Variants in SHANK2 observed in about 807,000 individuals in gnomAD.
SHANK2 encodes SH3 and multiple ankyrin repeat domains protein 2.
Under a neutral mutation model 133.7 loss-of-function variants are expected in SHANK2, and 43 were observed. The observed-to-expected ratio is 0.32, with a 90% CI of 0.25 to 0.41. SHANK2 has a LOEUF of 0.41. SHANK2 is among the 10% of genes least tolerant of loss of function. The pLI is 1.00. For missense variants in SHANK2, 1,994 were observed against 2,235.8 expected, an observed-to-expected ratio of 0.89 and a Z score of 2.18; for synonymous variants, 1,017 against 952.8, an observed-to-expected ratio of 1.07 and a Z score of -1.24.
rs1335245107 is a variant in SHANK2, at chr11:70,659,732, G to A, written c.2061+96C>T. On this transcript the variant is annotated intron_variant, in intron 17 of 25. Coordinates refer to ENST00000601538, the MANE Select transcript of SHANK2 (RefSeq NM_012309.5). Reference sequence around the variant, plus strand: ...ATGGCAGCCTCCACAAGCACCCCCAGACTGGGCCTCGTGGCTGTGCTGCCA... The same window carrying A: ...ATGGCAGCCTCCACAAGCACCCCCAAACTGGGCCTCGTGGCTGTGCTGCCA... The A allele has an allele frequency of 2.7e-6, 4 of 1,495,410 alleles. No individual in the cohort carries two copies. The African/African-American group carries it at 4.2e-5, about 16-fold the overall frequency. The allele number at this position is 1,495,410 out of a possible 1,614,324, so 92.6% of individuals were successfully genotyped here.
intron 3 of SHANK2, among the ~76,000 whole-genome samples, chr11:71,126,247 T>C (rs1305348446): frequency 8.5e-6 from 1 of 117,002 alleles, no homozygotes; most frequent in African/African-American, 3.0e-5. Context: ...AAAAGAATTA[T>C]ACTAAATTAA....
At position 70,482,661 on chromosome 11, in the gene SHANK2, G is replaced by A. The variant is rs193125563; in HGVS notation, c.4979+2653C>T. Among the ~76,000 whole-genome samples the A allele has an allele frequency of 2.6e-5, 4 of 152,344 alleles. No homozygotes were observed. The East Asian group carries it at 7.7e-4, about 29-fold the overall frequency. ...GTGCCTGGCGTTTGGTGAATGCTTT[G>A]TGTCATAGGTGTGGGCTCCTGTTCT... On this transcript the variant is annotated intron_variant, in intron 25 of 25. Coordinates refer to ENST00000601538, the MANE Select transcript of SHANK2 (RefSeq NM_012309.5).
In SHANK2 at chr11:70,937,679, G is replaced by A. The variant is rs548570132; in HGVS notation, c.1108-41112C>T. On this transcript the variant is annotated intron_variant, in intron 10 of 25. Transcript: ENST00000601538. ...TTTGAGTACTTTATAGTGTGTGTGC[G>A]TGCATCTTTTTTTTTTTTCTTGAGG... Among the ~76,000 whole-genome samples the A allele has an allele frequency of 9.9e-5, 15 of 151,984 alleles. 1 individual carries two copies. The highest frequency in any genetic ancestry group is 3.6e-4 in the African/African-American group (15 of 41,388).
At chr11:70,812,652 T>C (rs1166721413) in intron 12 of SHANK2, among the ~76,000 whole-genome samples, 1 of 152,150 alleles carries the variant, frequency 6.6e-6, no homozygotes, top group Admixed American at 6.5e-5. Context: ...ACAGCAGCCA[T>C]AGTCAGCAGC....
rs1491563939 is a variant in SHANK2, at chr11:71,210,210, G to GTGTATATATATATATATATATATATA, written c.-13+14486_-13+14487insTATATATATATATATATATATATACA. On this transcript the variant is annotated intron_variant, in intron 2 of 25. Transcript: ENST00000601538. ...GGTCCTCTTCATTGGAAATCCACAG[G>GTGTATATATATATATATATATATATA]TATATATATATATATATATATATAT... Among the ~76,000 whole-genome samples, 10 of 54,062 alleles carry GTGTATATATATATATATATATATATA rather than the reference G, an allele frequency of 1.8e-4. 2 individuals are homozygous for GTGTATATATATATATATATATATATA. The highest frequency in any genetic ancestry group is 1.1e-3 in the East Asian group (1 of 944). The allele number at this position is 54,062 out of a possible 152,430, so 35.5% of individuals were successfully genotyped here.
intron 9 of SHANK2, among the ~76,000 whole-genome samples, chr11:71,059,075 G>C (rs1237455215): frequency 6.6e-6 from 1 of 152,204 alleles, no homozygotes; most frequent in Non-Finnish European, 1.5e-5. Context: ...AACTTAGCTG[G>C]GTGCGGTGGC....
At chr11:70,531,324 G>A (rs1013434339) in intron 17 of SHANK2, among the ~76,000 whole-genome samples, 11 of 152,264 alleles carry the variant, frequency 7.2e-5, no homozygotes, top group African/African-American at 2.7e-4. Context: ...GCATCCATCT[G>A]TGCTGGGGGC....
intron 11 of SHANK2, among the ~76,000 whole-genome samples, chr11:70,825,217 GA>G (rs34899583): frequency 1.7e-3 from 250 of 150,846 alleles, no homozygotes; most frequent in Non-Finnish European, 2.7e-3. Flanking sequence ...AACTCATTAG[GA>G]AAAAAAAAGT....
chr11:71,209,721 T>G (rs1336814690), intron 2 of SHANK2, among the ~76,000 whole-genome samples: 4 of 152,228 alleles, frequency 2.6e-5, no homozygotes, highest in African/African-American at 9.6e-5. Context: ...TGCGTGTCCC[T>G]GGACTACCAA....
intron 10 of SHANK2, chr11:70,952,739 G>A (rs1950862765): frequency 2.3e-6 from 1 of 425,784 alleles, no homozygotes. Context: ...GGCGGCCCTG[G>A]CTTCGTGTGT....
rs144120117 is a variant in SHANK2 at position 70,686,377 on chromosome 11, TCATC to T, written c.1853+12307_1853+12310del. Among the ~76,000 whole-genome samples, 885 of 135,602 alleles carry T rather than the reference TCATC, an allele frequency of 6.5e-3. 8 individuals carry two copies. Among genetic ancestry groups the T allele is most frequent in the African/African-American group, 0.022 (776 of 35,440 alleles). The allele number at this position is 135,602 out of a possible 152,430, so 89.0% of individuals were successfully genotyped here. On this transcript the variant is annotated intron_variant, in intron 15 of 25. Transcript: ENST00000601538. ...CACACCCATCCAGCCCCTCATCTAT[TCATC>T]CATCCATCCATCCTTCCATCTATCC...
intron 14 of SHANK2, among the ~76,000 whole-genome samples, chr11:70,707,130 G>C (rs1352281891): frequency 6.6e-6 from 1 of 152,200 alleles, no homozygotes; most frequent in East Asian, 1.9e-4. Context: ...CTAGTACTTT[G>C]GGAGGCTGAG....
Position 71,067,929 on chromosome 11 carries a change from C to T in SHANK2, c.1029+7230G>A, listed in dbSNP as rs988472556. On this transcript the variant is annotated intron_variant, in intron 9 of 25. Coordinates refer to ENST00000601538, the MANE Select transcript of SHANK2 (RefSeq NM_012309.5). ...ATCATCATCAATATCACCAGCATCA[C>T]CACCATCACCATCATCATTATCACT... Among the ~76,000 whole-genome samples the T allele has an allele frequency of 2.5e-4, 38 of 151,836 alleles. 1 individual carries two copies. The East Asian group carries it at 6.8e-3, about 27-fold the overall frequency.
intron 8 of SHANK2, among the ~76,000 whole-genome samples, chr11:71,077,652 C>CCCT (rs1195892465): frequency 6.6e-6 from 1 of 151,844 alleles, no homozygotes; most frequent in African/African-American, 2.4e-5. Flanking sequence ...CTGTTTTAAC[C>CCCT]CCTGGTGGTT....
chr11:70,648,572 A>T (rs1158485621), intron 17 of SHANK2, among the ~76,000 whole-genome samples: 1 of 152,160 alleles, frequency 6.6e-6, no homozygotes, highest in African/African-American at 2.4e-5. Context: ...GGTAAAGTTT[A>T]CTCAAAATTT....
chr11:71,120,844 C>G (rs550729675), intron 3 of SHANK2, among the ~76,000 whole-genome samples: 1 of 152,340 alleles, frequency 6.6e-6, no homozygotes, highest in African/African-American at 2.4e-5. Flanking sequence ...GCTCCAACAT[C>G]CACAGAGCCC....
chr11:70,712,504 C>T (rs1370017553), intron 14 of SHANK2, among the ~76,000 whole-genome samples: 1 of 152,214 alleles, frequency 6.6e-6, no homozygotes, highest in Non-Finnish European at 1.5e-5. Flanking sequence ...CCATCAGCAA[C>T]AGAGCTCAGA....
intron 11 of SHANK2, among the ~76,000 whole-genome samples, chr11:70,847,476 G>T (rs1949013944): frequency 6.6e-6 from 1 of 152,150 alleles, no homozygotes; most frequent in African/African-American, 2.4e-5. Flanking sequence ...AAAAATAGGG[G>T]GAAATGTGCC....
intron 14 of SHANK2, among the ~76,000 whole-genome samples, chr11:70,741,829 T>A (rs1485495636): frequency 2.0e-5 from 3 of 152,202 alleles, no homozygotes; most frequent in African/African-American, 4.8e-5. Flanking sequence ...AAGTCACAAC[T>A]GGCAAGGAGT....
Sources: allele counts gnomAD v4.1 joint callset (sites outside exome capture counted in the v4.1 genomes callset), GRCh38; gene constraint gnomAD v4.1.1; transcripts MANE v1.5; gene names NCBI Gene and HGNC (gene_info 2026-07-23, HGNC 2026-07-21).